Variants in GALNT13 observed in about 807,000 individuals in gnomAD.
The protein encoded by GALNT13 is UDP-GalNAc:polypeptide N-acetylgalactosaminyltransferase 13.
In GALNT13, 28 loss-of-function variants were observed where a neutral mutation model predicts 64.2. The observed-to-expected ratio is 0.44, with a 90% CI of 0.32 to 0.60. The LOEUF (loss-of-function observed/expected upper bound fraction) is 0.60. GALNT13 is among the 20% of genes least tolerant of loss of function. The pLI, the probability that GALNT13 is intolerant of heterozygous loss-of-function variation, is 0.05. For synonymous variants in GALNT13, 214 were observed against 224.6 expected (o/e 0.95, Z 0.42); for missense variants, 577 against 669.8 (o/e 0.86, Z 1.53).
chr2:153,328,670 C>T, the GALNT13 span, among the ~76,000 whole-genome samples: 1 of 152,138 alleles, frequency 6.6e-6, no homozygotes, highest in South Asian at 2.1e-4. Context: ...CAAGCTCAAG[C>T]GTCCCAGGTC....
At chr2:154,355,514 A>G (rs1340631820) in intron 9 of GALNT13, among the ~76,000 whole-genome samples, 1 of 152,094 alleles carries the variant, frequency 6.6e-6, no homozygotes, top group Non-Finnish European at 1.5e-5. Flanking sequence ...GAGGAAAGGC[A>G]TCTTATGTTT....
the GALNT13 span, among the ~76,000 whole-genome samples, chr2:153,397,907 A>G: frequency 6.6e-6 from 1 of 151,910 alleles, no homozygotes; most frequent in South Asian, 2.1e-4. Context: ...ACATAGGTGA[A>G]CAGATTTTTT....
intron 1 of GALNT13, among the ~76,000 whole-genome samples, chr2:153,873,620 CCATG>C: frequency 6.6e-6 from 1 of 152,286 alleles, no homozygotes; most frequent in Non-Finnish European, 1.5e-5. Context: ...CCTTAAACTA[CCATG>C]CATTCATTGC....
At chr2:153,273,087 C>T in the GALNT13 span, among the ~76,000 whole-genome samples, 2 of 152,142 alleles carry the variant, frequency 1.3e-5, no homozygotes, top group South Asian at 4.1e-4. Context: ...AATGAGAACA[C>T]ATGGACACAG....
chr2:153,490,965 A>G, the GALNT13 span, among the ~76,000 whole-genome samples: 2 of 151,930 alleles, frequency 1.3e-5, no homozygotes, highest in Non-Finnish European at 2.9e-5. Flanking sequence ...GTCTCAAAAA[A>G]AAAAAAAAAA....
chr2:154,111,429 T>G (rs1223526376), intron 3 of GALNT13, among the ~76,000 whole-genome samples: 1 of 152,182 alleles, frequency 6.6e-6, no homozygotes, highest in Admixed American at 6.5e-5. Flanking sequence ...TCCGGGTCAA[T>G]CACCCCAGCC....
the GALNT13 span, among the ~76,000 whole-genome samples, chr2:153,747,422 G>GTTTTTTTTTT: frequency 1.1e-5 from 1 of 93,750 alleles, no homozygotes; most frequent in African/African-American, 5.1e-5. Flanking sequence ...AGTGCCTTTG[G>GTTTTTTTTTT]TTTTTTTTTT....
At chr2:153,074,234 G>C in the GALNT13 span, among the ~76,000 whole-genome samples, 2 of 152,096 alleles carry the variant, frequency 1.3e-5, no homozygotes, top group Admixed American at 1.3e-4. Context: ...CACTGCATTA[G>C]CTATTGTGCT....
chr2:153,114,201 A>G, the GALNT13 span, among the ~76,000 whole-genome samples: 1 of 152,106 alleles, frequency 6.6e-6, no homozygotes. Context: ...GATGTGCTCA[A>G]AATAGATTAT....
chr2:154,321,505 A>G (rs1266187011), intron 9 of GALNT13, among the ~76,000 whole-genome samples: 1 of 152,196 alleles, frequency 6.6e-6, no homozygotes, highest in Non-Finnish European at 1.5e-5. Context: ...TTGATCAAGC[A>G]TGTATTAATA....
the GALNT13 span, among the ~76,000 whole-genome samples, chr2:153,696,745 A>G: frequency 6.6e-6 from 1 of 152,328 alleles, no homozygotes; most frequent in South Asian, 2.1e-4. Flanking sequence ...ACTGCAGATA[A>G]GTGGAGGGGA....
chr2:153,244,123 G>A, the GALNT13 span, among the ~76,000 whole-genome samples: 1 of 150,302 alleles, frequency 6.7e-6, no homozygotes, highest in African/African-American at 2.5e-5. Flanking sequence ...GGGGGGAAGG[G>A]AACGAGAAGA....
the GALNT13 span, among the ~76,000 whole-genome samples, chr2:153,482,108 T>C: frequency 6.6e-6 from 1 of 152,140 alleles, no homozygotes; most frequent in African/African-American, 2.4e-5. Flanking sequence ...TAAGCTCATA[T>C]ATTTCACCCT....
chr2:154,198,276 C>T (rs1325000774), intron 4 of GALNT13, among the ~76,000 whole-genome samples: 1 of 151,932 alleles, frequency 6.6e-6, no homozygotes, highest in Non-Finnish European at 1.5e-5. Flanking sequence ...GAAGGAATGC[C>T]ATCAGAATAA....
intron 9 of GALNT13, 94 bp from the exon 10 acceptor site, chr2:154,395,897 A>G: frequency 8.7e-7 from 1 of 1,146,128 alleles, no homozygotes; most frequent in Non-Finnish European, 1.2e-6. Flanking sequence ...TGCTGGAATT[A>G]TGAAGAAGAA....
the GALNT13 span, among the ~76,000 whole-genome samples, chr2:153,683,170 TG>T: frequency 6.6e-6 from 1 of 151,850 alleles, no homozygotes; most frequent in African/African-American, 2.4e-5. Context: ...CAGAAAAACT[TG>T]GGTTCAAATC....
At chr2:153,438,969 T>A in the GALNT13 span, among the ~76,000 whole-genome samples, 5 of 152,172 alleles carry the variant, frequency 3.3e-5, no homozygotes, top group Non-Finnish European at 7.3e-5. Flanking sequence ...CTTTGGTCTT[T>A]GATGATGGTG....
At chr2:153,254,925 C>G in the GALNT13 span, among the ~76,000 whole-genome samples, 1 of 152,142 alleles carries the variant, frequency 6.6e-6, no homozygotes, top group Middle Eastern at 3.4e-3. Flanking sequence ...TGGTGTGGTA[C>G]TGAAAAAAAT....
At chr2:154,178,221 G>A (rs1685761954) in intron 4 of GALNT13, among the ~76,000 whole-genome samples, 1 of 152,108 alleles carries the variant, frequency 6.6e-6, no homozygotes, top group South Asian at 2.1e-4. Context: ...CTGGAAGAGG[G>A]TACTCAGAAT....
Sources: allele counts gnomAD v4.1 joint callset (sites outside exome capture counted in the v4.1 genomes callset), GRCh38; gene constraint gnomAD v4.1.1; transcripts MANE v1.5; gene names NCBI Gene and HGNC (gene_info 2026-07-23, HGNC 2026-07-21).